MYO10: variants seen among roughly 807,000 people sequenced by gnomAD.
MYO10 encodes the protein unconventional myosin-X.
In MYO10, 133 loss-of-function variants were observed where a neutral mutation model predicts 257.3. The ratio of observed to expected loss-of-function variants is 0.52; its 90% CI spans 0.45 to 0.60. MYO10 has a LOEUF of 0.60. Ranked by LOEUF, MYO10 falls within the 20% of genes least tolerant of loss-of-function variation. The probability of loss-of-function intolerance (pLI) is 0.00; values close to 1 mark genes in which losing one functional copy is unlikely to be tolerated. For missense variants in MYO10, 2,399 were observed against 2,635.7 expected, an observed-to-expected ratio of 0.91 and a Z score of 1.97; for synonymous variants, 1,104 against 1,028.6, an observed-to-expected ratio of 1.07 and a Z score of -1.40.
chr5:16,821,414 A>G (rs1342871541), intron 2 of MYO10, among the ~76,000 whole-genome samples: 4 of 140,288 alleles, frequency 2.9e-5, no homozygotes, highest in African/African-American at 1.1e-4. Flanking sequence ...CCCCACCTTC[A>G]TACATTTGAC....
intron 1 of MYO10, among the ~76,000 whole-genome samples, chr5:16,922,322 T>G (rs1746010990): frequency 6.6e-6 from 1 of 152,146 alleles, no homozygotes; most frequent in Non-Finnish European, 1.5e-5. Context: ...GCTGCACACC[T>G]TGGCCCTTAG....
chr5:16,718,107 C>T (rs1024722505), intron 19 of MYO10, among the ~76,000 whole-genome samples: 8 of 152,220 alleles, frequency 5.3e-5, no homozygotes, highest in South Asian at 2.1e-4. Context: ...CCAGTGGCTG[C>T]GGAGGGTGTA....
At chr5:16,762,515 T>A in intron 15 of MYO10, 30 bp downstream of exon 15, 1 of 1,523,976 alleles carries the variant, frequency 6.6e-7, no homozygotes, top group Non-Finnish European at 9.0e-7. Flanking sequence ...GCTACTCCAA[T>A]GTGATGAAGA....
At chr5:16,894,706 G>T (rs919847578) in intron 1 of MYO10, among the ~76,000 whole-genome samples, 20 of 152,172 alleles carry the variant, frequency 1.3e-4, no homozygotes, top group African/African-American at 4.8e-4. Context: ...AGTCCAATGG[G>T]GATGAAGTGC....
intron 2 of MYO10, among the ~76,000 whole-genome samples, chr5:16,847,148 C>T (rs372614485): frequency 6.7e-6 from 1 of 149,638 alleles, no homozygotes. Context: ...TTAAAAATTG[C>T]TGGCCGGGCA....
chr5:16,685,469 C>T (rs1421328665), intron 29 of MYO10, among the ~76,000 whole-genome samples: 1 of 152,084 alleles, frequency 6.6e-6, no homozygotes, highest in Non-Finnish European at 1.5e-5. Flanking sequence ...ACCTCAGCCT[C>T]CCAAAGTGCT....
At chr5:16,784,209 G>C (rs1304455512) in intron 4 of MYO10, among the ~76,000 whole-genome samples, 2 of 152,204 alleles carry the variant, frequency 1.3e-5, no homozygotes, top group African/African-American at 4.8e-5. Context: ...CAGAAGCTGG[G>C]AAAGATTCTT....
In MYO10 at chr5:16,673,618, C is replaced by G. The variant is rs542491333; in HGVS notation, c.5172+64G>C. 63 of 1,526,760 alleles carry G rather than the reference C, an allele frequency of 4.1e-5. No homozygotes were observed. In the African/African-American group the frequency reaches 7.6e-4, roughly 18 times the overall value. The allele number at this position is 1,526,760 out of a possible 1,614,324, so 94.6% of individuals were successfully genotyped here. ...AGCCACTCTAATGCTGCACAATGTT[C>G]CTGACGCAGGTGTATCTGCAGCAAA... On this transcript the variant is annotated intron_variant, in intron 36 of 40. Transcript: ENST00000513610.
intron 29 of MYO10, 84 bp downstream of exon 29, chr5:16,685,654 A>T (rs1737217562): frequency 1.9e-6 from 2 of 1,059,158 alleles, no homozygotes; most frequent in Admixed American, 4.3e-5. Flanking sequence ...GAAATTCCCA[A>T]TCTTTCCCTT....
chr5:16,755,019 G>C, intron 18 of MYO10, 111 bp from the exon 19 acceptor site: 1 of 574,716 alleles, frequency 1.7e-6, no homozygotes, highest in Non-Finnish European at 2.8e-6. Flanking sequence ...ATAAATCATA[G>C]GACTAATAAC....
Position 16,796,201 on chromosome 5 carries a change from AAAG to A in MYO10, c.280-1371_280-1369del, listed in dbSNP as rs1398496592. On this transcript the variant is annotated intron_variant, in intron 3 of 40. Transcript: ENST00000513610. ...GAGACTCTGTCAAAAAAAAAAAAAA[AAAG>A]AAAGAACAGAGAGAGAGCGAGAAAG... 2.3e-3 allele frequency among the ~76,000 whole-genome samples: 167 copies of A among 72,564 alleles called. 12 individuals carry two copies. Among genetic ancestry groups the A allele is most frequent in the South Asian group, 8.5e-3 (14 of 1,644 alleles). 47.6% of individuals were successfully genotyped at this position (72,564 alleles called of 152,430 possible).
At chr5:16,770,643 C>T (rs1277252949) in intron 9 of MYO10, among the ~76,000 whole-genome samples, 1 of 152,218 alleles carries the variant, frequency 6.6e-6, no homozygotes, top group Non-Finnish European at 1.5e-5. Context: ...ACAAAAAGAA[C>T]TTGGACTCAC....
intron 19 of MYO10, among the ~76,000 whole-genome samples, chr5:16,748,662 T>A (rs1740290477): frequency 6.6e-6 from 1 of 151,540 alleles, no homozygotes; most frequent in Non-Finnish European, 1.5e-5. Flanking sequence ...AGGCAGCACC[T>A]GGATTACATA....
chr5:16,667,823 G>A (rs1186144714), intron 40 of MYO10, among the ~76,000 whole-genome samples: 2 of 152,092 alleles, frequency 1.3e-5, no homozygotes, highest in South Asian at 2.1e-4. Context: ...AGGCCTTTTA[G>A]TGTGTGTGGT....
At chr5:16,674,285 C>T (rs543450286) in intron 35 of MYO10, among the ~76,000 whole-genome samples, 21 of 152,174 alleles carry the variant, frequency 1.4e-4, no homozygotes, top group Non-Finnish European at 2.2e-4. Context: ...CTGGCCAACA[C>T]GGTGAAACCC....
chr5:16,735,881 T>TC (rs892341147), intron 19 of MYO10, among the ~76,000 whole-genome samples: 9 of 152,064 alleles, frequency 5.9e-5, no homozygotes, highest in African/African-American at 1.9e-4. Context: ...GCTGCTCATC[T>TC]CTTCACTCTT....
intron 31 of MYO10, 111 bp from the exon 32 acceptor site, chr5:16,681,614 GA>G (rs1490029990): frequency 3.3e-6 from 4 of 1,230,576 alleles, no homozygotes; most frequent in Non-Finnish European, 4.5e-6. Context: ...CTGTTTGCCA[GA>G]AAAAGACCAC....
In MYO10 at chr5:16,880,000, A is replaced by T. The variant is rs374445367; in HGVS notation, c.22-2293T>A. 1.6e-4 allele frequency among the ~76,000 whole-genome samples: 24 copies of T among 152,076 alleles called. 1 individual carries two copies. Among genetic ancestry groups the T allele is most frequent in the African/African-American group, 4.1e-4 (17 of 41,398 alleles). ...TGAGACCAGCCTGGCCAACGTGGTA[A>T]AACCGCGTGTCTACCAAAAAAGTAC... On this transcript the variant is annotated intron_variant, in intron 1 of 40. Transcript: ENST00000513610.
intron 10 of MYO10, among the ~76,000 whole-genome samples, chr5:16,766,861 C>T (rs1740887097): frequency 6.6e-6 from 1 of 151,046 alleles, no homozygotes; most frequent in Non-Finnish European, 1.5e-5. Flanking sequence ...CCTCCGCCTC[C>T]CTGGTTCAGA....
Sources: gnomAD v4.1 joint callset for allele counts (sites outside exome capture counted in the v4.1 genomes callset) on GRCh38, gnomAD v4.1.1 for gene constraint, MANE v1.5 for transcripts, NCBI Gene and HGNC (gene_info 2026-07-23, HGNC 2026-07-21) for gene names.